Variants in TNS1 observed in about 807,000 individuals in gnomAD.
TNS1 encodes tensin 1.
TNS1 carries 62 observed loss-of-function variants against 168.6 expected under a neutral mutation model. That is an observed-to-expected ratio of 0.37 (90% confidence interval 0.30 to 0.45). The LOEUF (loss-of-function observed/expected upper bound fraction) is 0.45, where lower values mean the gene tolerates loss of function less well. TNS1 is among the 20% of genes least tolerant of loss of function. The probability of loss-of-function intolerance (pLI) is 1.00; values close to 1 mark genes in which losing one functional copy is unlikely to be tolerated. For synonymous variants in TNS1, 934 were observed against 933.2 expected (o/e 1.00, Z -0.02); for missense variants, 2,240 against 2,339.4 (o/e 0.96, Z 0.88).
At chr2:217,842,217 T>C (rs1175936262) in intron 19 of TNS1, 7 of 653,472 alleles carry the variant, frequency 1.1e-5, no homozygotes, top group African/African-American at 7.3e-5. Flanking sequence ...TAATCTGGTA[T>C]GTACACGTCA....
chr2:217,905,815 C>T (rs1422419727), intron 6 of TNS1, among the ~76,000 whole-genome samples: 2 of 152,232 alleles, frequency 1.3e-5, no homozygotes, highest in Non-Finnish European at 2.9e-5. Flanking sequence ...CTTCCCCTCT[C>T]CCCAAAATGG....
chr2:217,914,951 A>C (rs1954834730), intron 4 of TNS1, among the ~76,000 whole-genome samples: 1 of 152,184 alleles, frequency 6.6e-6, no homozygotes, highest in Non-Finnish European at 1.5e-5. Flanking sequence ...TGCCCGTCCC[A>C]CGTCTTCTCT....
chr2:217,991,430 C>T (rs1054401656), intron 1 of TNS1, among the ~76,000 whole-genome samples: 2 of 152,170 alleles, frequency 1.3e-5, no homozygotes, highest in African/African-American at 4.8e-5. Flanking sequence ...CCCCACAGAG[C>T]CACATCCCCG....
At position 217,800,034 on chromosome 2, in the gene TNS1, C is replaced by CT. The variant is rs1937244176; in HGVS notation, c.*4424_*4425insA. ...GGATGCTGGGTGATCTTGTTTCCCCCGCAGAGGGCCTGGGAGGCAGGGAGG... is the reference window on the plus strand; with the variant it reads ...GGATGCTGGGTGATCTTGTTTCCCCCTGCAGAGGGCCTGGGAGGCAGGGAGG... On this transcript the variant is annotated 3_prime_UTR_variant, in exon 33 of 33. Coordinates refer to ENST00000682258, the MANE Select transcript of TNS1 (RefSeq NM_001387777.1). 1 of 152,284 alleles carries CT rather than the reference C, an allele frequency of 6.6e-6. No homozygotes were observed. The highest frequency in any genetic ancestry group is 2.1e-4 in the South Asian group (1 of 4,826). The allele number at this position is 152,284 out of a possible 1,614,324, so 9.4% of individuals were successfully genotyped here.
At chr2:217,894,392 C>T (rs998501526) in intron 9 of TNS1, among the ~76,000 whole-genome samples, 11 of 152,246 alleles carry the variant, frequency 7.2e-5, no homozygotes, top group African/African-American at 2.4e-4. Context: ...CGCGCTGGCC[C>T]ATGCCTGTAA....
chr2:217,813,672 G>A lies in TNS1; in HGVS notation c.4861+13C>T, dbSNP rs1178379413. On this transcript the variant is annotated intron_variant, in intron 26 of 32. Transcript: ENST00000682258. This position sits in a 1 kb window ranked among gnomAD's most constrained non-coding sequence, Gnocchi z 4.0. The stretch of plus-strand genomic sequence containing the variant: ...CACCTGGTCCTGAGCCCCATTCTGG[G>A]AGATGAGGTTACCTTTTTTATTCTG... The A allele has an allele frequency of 2.4e-5, 38 of 1,601,476 alleles. No individual in the cohort carries two copies. The Admixed American group carries it at 6.2e-4, about 26-fold the overall frequency.
At chr2:217,860,462 T>G (rs897609691) in intron 18 of TNS1, among the ~76,000 whole-genome samples, 48 of 152,252 alleles carry the variant, frequency 3.2e-4, no homozygotes, top group African/African-American at 1.1e-3. Context: ...GACCACAGTT[T>G]GGACAAACTA....
At chr2:217,958,717 A>G (rs1194442942) in intron 3 of TNS1, among the ~76,000 whole-genome samples, 1 of 152,204 alleles carries the variant, frequency 6.6e-6, no homozygotes, top group African/African-American at 2.4e-5. Flanking sequence ...TTTGACACCC[A>G]AGCCTGCACT....
At chr2:217,828,527 G>T (rs1177572661) in intron 22 of TNS1, among the ~76,000 whole-genome samples, 1 of 152,202 alleles carries the variant, frequency 6.6e-6, no homozygotes, top group African/African-American at 2.4e-5. Context: ...TCTTCCTGAG[G>T]GGGGGATGCC....
chr2:217,978,036 C>A (rs1025150331), intron 3 of TNS1, among the ~76,000 whole-genome samples: 2 of 152,140 alleles, frequency 1.3e-5, no homozygotes, highest in South Asian at 2.1e-4. Flanking sequence ...TCCCCCACCC[C>A]CTGTTACTCC....
chr2:217,851,762 C>T (rs1015124852), intron 18 of TNS1, among the ~76,000 whole-genome samples: 4 of 152,214 alleles, frequency 2.6e-5, no homozygotes, highest in Admixed American at 6.5e-5. Flanking sequence ...CTATTATCAT[C>T]GTAAAGGGGT....
chr2:217,809,194 T>G (rs1169734395), intron 30 of TNS1, among the ~76,000 whole-genome samples: 1 of 83,372 alleles, frequency 1.2e-5, no homozygotes, highest in Non-Finnish European at 2.4e-5. Flanking sequence ...GATGGATGGA[T>G]GGATGGATGG....
intron 18 of TNS1, among the ~76,000 whole-genome samples, chr2:217,853,942 A>G (rs1947821931): frequency 6.6e-6 from 1 of 152,218 alleles, no homozygotes; most frequent in South Asian, 2.1e-4. Context: ...TTAAAAAAGA[A>G]CGAAGGAAAC....
chr2:217,820,807 C>T (rs1418091732), intron 23 of TNS1, among the ~76,000 whole-genome samples: 3 of 152,292 alleles, frequency 2.0e-5, no homozygotes, highest in Non-Finnish European at 4.4e-5. Context: ...CACCCCTCCA[C>T]TAAGCCTGTC....
chr2:217,933,864 G>A (rs1956457803), intron 3 of TNS1, among the ~76,000 whole-genome samples: 1 of 152,214 alleles, frequency 6.6e-6, no homozygotes, highest in South Asian at 2.1e-4. Context: ...GAGTAGATAG[G>A]AGGATACGCA....
chr2:217,806,347 C>T (rs1218871037), intron 32 of TNS1, among the ~76,000 whole-genome samples: 1 of 152,230 alleles, frequency 6.6e-6, no homozygotes, highest in African/African-American at 2.4e-5. Flanking sequence ...ACATGAGATC[C>T]CTGGCTGGCC....
chr2:217,966,552 C>T (rs1278727286), intron 3 of TNS1, among the ~76,000 whole-genome samples: 1 of 152,146 alleles, frequency 6.6e-6, no homozygotes, highest in Admixed American at 6.5e-5. Flanking sequence ...AGGGCAAACA[C>T]GGGCTCCACA....
intron 1 of TNS1, among the ~76,000 whole-genome samples, chr2:218,008,170 C>T (rs1958676519): frequency 6.6e-6 from 1 of 152,152 alleles, no homozygotes; most frequent in African/African-American, 2.4e-5. Flanking sequence ...CGTGTCTGGG[C>T]CCAATCCCAA....
chr2:217,941,143 G>T (rs1412093590), intron 3 of TNS1, among the ~76,000 whole-genome samples: 2 of 152,228 alleles, frequency 1.3e-5, no homozygotes, highest in Non-Finnish European at 2.9e-5. Flanking sequence ...TCAGATCCTG[G>T]CACTGCCCTT....
Sources: gnomAD v4.1 joint callset for allele counts (sites outside exome capture counted in the v4.1 genomes callset) on GRCh38, gnomAD v4.1.1 for gene constraint, Gnocchi (gnomAD v3.1) non-coding constraint, MANE v1.5 for transcripts, NCBI Gene and HGNC (gene_info 2026-07-23, HGNC 2026-07-21) for gene names.